Variants in KIF26A observed in about 807,000 individuals in gnomAD.
KIF26A encodes kinesin-like protein KIF26A.
KIF26A carries 74 observed loss-of-function variants against 126.0 expected under a neutral mutation model. That is an observed-to-expected ratio of 0.59 (90% CI 0.49 to 0.71). The LOEUF (loss-of-function observed/expected upper bound fraction) is 0.71, where lower values mean the gene tolerates loss of function less well. Among genes scored for constraint, KIF26A ranks in the 30% least tolerant of loss-of-function variants. KIF26A has a pLI of 0.00. For missense variants in KIF26A, 2,984 were observed against 2,763.3 expected, an observed-to-expected ratio of 1.08 and a Z score of -1.79; for synonymous variants, 1,445 against 1,232.7, an observed-to-expected ratio of 1.17 and a Z score of -3.61.
intron 5 of KIF26A, among the ~76,000 whole-genome samples, chr14:104,169,942 C>T (rs1049857808): frequency 3.3e-5 from 5 of 152,158 alleles, no homozygotes; most frequent in African/African-American, 1.2e-4. Flanking sequence ...AGACAATGGC[C>T]TGCGCTGGGA....
intron 2 of KIF26A, among the ~76,000 whole-genome samples, chr14:104,141,569 C>G (rs573342346): frequency 6.7e-6 from 1 of 149,020 alleles, no homozygotes; most frequent in African/African-American, 2.5e-5. Flanking sequence ...TGCCTGTCTC[C>G]GTTGTAGAGG....
chr14:104,166,788 G>C, intron 4 of KIF26A, 71 bp from the exon 5 acceptor site: 2 of 1,376,976 alleles, frequency 1.5e-6, no homozygotes, highest in Non-Finnish European at 1.9e-6. Flanking sequence ...ATCGCCTGGT[G>C]ACTCGCAGGC....
rs943531257 is a variant in KIF26A at position 104,176,009 on chromosome 14, G to C, written c.3221G>C (p.Ser1074Thr). The C allele has an allele frequency of 6.3e-7, 1 of 1,588,244 alleles. No individual in the cohort carries two copies. Among genetic ancestry groups the C allele is most frequent in the African/African-American group, 1.3e-5 (1 of 74,634 alleles). Reference protein sequence around the residue: ...RALASGSRPVSIISSINDEFD... With the variant: ...RALASGSRPVTIISSINDEFD... ...CTGGCCTCGGGGTCCCGGCCAGTCA[G>C]CATCATCAGCAGCATCAATGATGAG... Residue 1074 changes from serine to threonine, a missense_variant, in exon 12 of 15, where the codon AGC (serine) becomes ACC (threonine). Coordinates refer to ENST00000423312, the MANE Select transcript of KIF26A (RefSeq NM_015656.2).
chr14:104,174,398 G>A, intron 11 of KIF26A, 88 bp downstream of exon 11: 1 of 1,323,878 alleles, frequency 7.6e-7, no homozygotes, highest in Non-Finnish European at 9.9e-7. Flanking sequence ...TTGGGGTGGG[G>A]GTCAGCAGGT....
intron 2 of KIF26A, among the ~76,000 whole-genome samples, chr14:104,147,834 A>G (rs533945684): frequency 2.0e-5 from 3 of 152,326 alleles, no homozygotes; most frequent in Non-Finnish European, 4.4e-5. Flanking sequence ...CCGCACACGC[A>G]TGCCTCACTG....
intron 6 of KIF26A, 70 bp downstream of exon 6, chr14:104,172,005 G>A (rs930574836): frequency 8.6e-6 from 12 of 1,400,788 alleles, no homozygotes; most frequent in African/African-American, 4.3e-5. Flanking sequence ...ACATGGGTCC[G>A]ATCTGCGCCC....
Position 104,138,715 on chromosome 14 carries a change from C to G in KIF26A, c.-8C>G. On this transcript the variant is annotated 5_prime_UTR_variant, in exon 1 of 15. Transcript: ENST00000423312. Reference sequence around the variant, plus strand: ...GAGCGCCTGCCGGGCTCTTCCCGCGCCCCGGCCATGGTCGGCCGCGGCGTC... The same window carrying G: ...GAGCGCCTGCCGGGCTCTTCCCGCGGCCCGGCCATGGTCGGCCGCGGCGTC... 7.9e-7 allele frequency: 1 copy of G among 1,267,260 alleles called. No homozygotes were observed. Among genetic ancestry groups the G allele is most frequent in the Non-Finnish European group, 9.9e-7 (1 of 1,007,850 alleles). The allele number at this position is 1,267,260 out of a possible 1,614,324, so 78.5% of individuals were successfully genotyped here.
At position 104,152,923 on chromosome 14, in the gene KIF26A, C is replaced by T. The variant is rs2037744369; in HGVS notation, c.735+462C>T. The stretch of plus-strand genomic sequence containing the variant: ...GTTGCAATTGCTGGAGATGCGTTGC[C>T]TGCCCCTGTGGCACCCTGGGGGCAG... On this transcript the variant is annotated intron_variant, in intron 3 of 14. Transcript: ENST00000423312. This position sits in a 1 kb window ranked among gnomAD's most constrained non-coding sequence, Gnocchi z 5.9. Among the ~76,000 whole-genome samples, 1 of 152,144 alleles carries T rather than the reference C, an allele frequency of 6.6e-6. No homozygotes were observed. The highest frequency in any genetic ancestry group is 1.5e-5 in the Non-Finnish European group (1 of 67,998).
intron 2 of KIF26A, among the ~76,000 whole-genome samples, chr14:104,144,861 G>A (rs2141089678): frequency 6.6e-6 from 1 of 152,376 alleles, no homozygotes; most frequent in Middle Eastern, 3.4e-3. Flanking sequence ...GACTGACCGT[G>A]CCTTGGTCGT....
chr14:104,152,115 C>T lies in KIF26A; in HGVS notation c.389C>T (p.Thr130Ile), dbSNP rs2037734997. 1 of 1,612,396 alleles carries T rather than the reference C, an allele frequency of 6.2e-7. No homozygotes were observed. The highest frequency in any genetic ancestry group is 8.5e-7 in the Non-Finnish European group (1 of 1,179,736). Reference sequence around the variant, plus strand: ...GAGCGCCGCTGTGACGTCTGCGCCACACACCTGCAGCAGCTCACACGGGAG... The same window carrying T: ...GAGCGCCGCTGTGACGTCTGCGCCATACACCTGCAGCAGCTCACACGGGAG... ...EAERRCDVCA[T>I]HLQQLTREAM... Residue 130 changes from threonine to isoleucine, a missense_variant, in exon 3 of 15, where the codon ACA becomes ATA. Transcript: ENST00000423312. This position sits in a 1 kb window ranked among gnomAD's most constrained non-coding sequence, Gnocchi z 5.9.
At position 104,172,683 on chromosome 14, in the gene KIF26A, C is replaced by A. The variant is rs757914246; in HGVS notation, c.1420+15C>A. 6.3e-7 allele frequency: 1 copy of A among 1,595,998 alleles called. No homozygotes were observed. The highest frequency in any genetic ancestry group is 8.6e-7 in the Non-Finnish European group (1 of 1,165,626). ...CATGAGCCTGGGTAAGCACCCTTGC[C>A]CCACCCTAGATGGGTCCTGCTGGCC... On this transcript the variant is annotated intron_variant, in intron 7 of 14. Transcript: ENST00000423312.
In KIF26A at chr14:104,157,853, T is replaced by A; in HGVS notation, c.834T>A (p.Gly278=). Residue 278 remains glycine (G), a synonymous_variant, in exon 4 of 15, where the codon GGT becomes GGA. Coordinates refer to ENST00000423312, the MANE Select transcript of KIF26A (RefSeq NM_015656.2). The part of the protein sequence containing the change: ...PDGLSKAWGR[G]GVCTSALVTP... ...GCTTGTCGAAGGCCTGGGGCCGTGG[T>A]GGAGTCTGCACGTCAGCCCTGGTCA... 6.2e-7 allele frequency: 1 copy of A among 1,608,590 alleles called. No homozygotes were observed.
intron 2 of KIF26A, among the ~76,000 whole-genome samples, chr14:104,144,158 G>A (rs1047691927): frequency 2.6e-5 from 4 of 152,284 alleles, no homozygotes; most frequent in African/African-American, 9.6e-5. Context: ...CCTTGTGCTC[G>A]TCTTGTCTCT....
chr14:104,143,568 C>T (rs1435094542), intron 2 of KIF26A, among the ~76,000 whole-genome samples: 1 of 152,248 alleles, frequency 6.6e-6, no homozygotes, highest in Non-Finnish European at 1.5e-5. Flanking sequence ...TCTGTCTCCA[C>T]AGCCCCCAGG....
rs769928735 is a variant in KIF26A at position 104,173,492 on chromosome 14, G to C, written c.1846G>C (p.Glu616Gln). Reference protein sequence around the residue: ...FTLHVYQYRMEKCGRGGMSGG... With the variant: ...FTLHVYQYRMQKCGRGGMSGG... ...GCTGCACGTCTACCAGTACCGCATG[G>C]AGAAGTGCGGCCGGGGAGGAAGTAG... The change falls in exon 9 of 15, where the codon GAG (glutamate) becomes CAG (glutamine). Residue 616 changes from glutamate to glutamine, a missense_variant. Coordinates refer to ENST00000423312, the MANE Select transcript of KIF26A (RefSeq NM_015656.2). 3.8e-6 allele frequency: 6 copies of C among 1,570,594 alleles called. No homozygotes were observed. In the African/African-American group the frequency reaches 8.1e-5, roughly 21 times the overall value.
rs1206284895 is a variant in KIF26A at position 104,175,365 on chromosome 14, A to T, written c.2577A>T (p.Gly859=). Residue 859 remains glycine, a synonymous_variant, in exon 12 of 15, where the codon GGA becomes GGT. Transcript: ENST00000423312. ...TGGACGGCAACGAGGGTCCCTCAGG[A>T]GGTCCAGGTGGCACCGACGGAGCTC... ...ECMDGNEGPS[G]GPGGTDGAQA... 6.2e-7 allele frequency: 1 copy of T among 1,601,524 alleles called. No homozygotes were observed. Among genetic ancestry groups the T allele is most frequent in the African/African-American group, 1.3e-5 (1 of 75,004 alleles).
At chr14:104,139,385 C>T (rs2037615288) in intron 2 of KIF26A, 97 bp downstream of exon 2, 11 of 1,308,740 alleles carry the variant, frequency 8.4e-6, no homozygotes, top group Non-Finnish European at 1.1e-5. Context: ...CCACTCCTTC[C>T]CTGCTGCTGT....
intron 4 of KIF26A, among the ~76,000 whole-genome samples, chr14:104,163,990 CACCACT>C (rs2037857074): frequency 6.6e-6 from 1 of 152,108 alleles, no homozygotes; most frequent in African/African-American, 2.4e-5. Context: ...AGGCACCGCC[CACCACT>C]GCCCTACTAA....
intron 4 of KIF26A, among the ~76,000 whole-genome samples, chr14:104,162,248 C>T (rs974941900): frequency 3.9e-5 from 6 of 152,188 alleles, no homozygotes; most frequent in African/African-American, 1.2e-4. Flanking sequence ...GAGGAGGAGG[C>T]GCCTCAAGTT....
Sources: allele counts gnomAD v4.1 joint callset (sites outside exome capture counted in the v4.1 genomes callset), GRCh38; gene constraint gnomAD v4.1.1; non-coding constraint Gnocchi (gnomAD v3.1); transcripts MANE v1.5; gene names NCBI Gene and HGNC (gene_info 2026-07-23, HGNC 2026-07-21).